Variants in ACOXL observed in about 807,000 individuals in gnomAD.
ACOXL encodes the protein acyl-CoA oxidase like, also known as acyl-coenzyme A oxidase-like protein.
A neutral mutation model predicts 71.9 loss-of-function variants in ACOXL; 70 were observed. That is an observed-to-expected ratio of 0.97 (90% CI 0.80 to 1.19). ACOXL has a LOEUF of 1.19. ACOXL is among the 50% of genes most tolerant of loss of function. The pLI is 0.00. For synonymous variants in ACOXL, 253 were observed against 281.6 expected (o/e 0.90, Z 1.02); for missense variants, 703 against 736.3 (o/e 0.95, Z 0.52).
At chr2:110,767,433 C>T (rs759028322) in intron 1 of ACOXL, among the ~76,000 whole-genome samples, 12 of 152,290 alleles carry the variant, frequency 7.9e-5, no homozygotes, top group Middle Eastern at 3.4e-3. Flanking sequence ...GGGAAAGCCT[C>T]AGACACAGTA....
At chr2:110,750,016 A>G (rs1678717009) in intron 1 of ACOXL, among the ~76,000 whole-genome samples, 1 of 152,216 alleles carries the variant, frequency 6.6e-6, no homozygotes, top group Admixed American at 6.5e-5. Context: ...TGGGAAGAAT[A>G]TCCTGAGCAT....
chr2:110,822,420 A>G (rs1324051147), intron 9 of ACOXL, among the ~76,000 whole-genome samples: 1 of 151,898 alleles, frequency 6.6e-6, no homozygotes, highest in Non-Finnish European at 1.5e-5. Flanking sequence ...TCCAGCCTTC[A>G]CGTATGCCGG....
chr2:110,826,233 T>A (rs1211551038), intron 9 of ACOXL, among the ~76,000 whole-genome samples: 1 of 152,236 alleles, frequency 6.6e-6, no homozygotes, highest in Non-Finnish European at 1.5e-5. Context: ...TGAGCGCCCC[T>A]TGTTCACACA....
chr2:111,035,774 G>T (rs949479772), intron 15 of ACOXL, among the ~76,000 whole-genome samples: 1 of 152,174 alleles, frequency 6.6e-6, no homozygotes, highest in African/African-American at 2.4e-5. Flanking sequence ...AAACATGATC[G>T]CATGCATTAT....
At chr2:111,042,444 C>A (rs572496824) in intron 15 of ACOXL, among the ~76,000 whole-genome samples, 1 of 152,316 alleles carries the variant, frequency 6.6e-6, no homozygotes, top group African/African-American at 2.4e-5. Flanking sequence ...CACAGAAGAC[C>A]CATTGGTGCT....
chr2:111,053,811 C>T (rs2066409099), intron 16 of ACOXL, among the ~76,000 whole-genome samples: 1 of 152,258 alleles, frequency 6.6e-6, no homozygotes, highest in Admixed American at 6.5e-5. Flanking sequence ...GGGACTAAAA[C>T]TTCCTGAAGC....
chr2:111,089,961 C>T (rs1274748043), intron 16 of ACOXL, among the ~76,000 whole-genome samples: 1 of 152,120 alleles, frequency 6.6e-6, no homozygotes, highest in Non-Finnish European at 1.5e-5. Flanking sequence ...AGAGTTGAAA[C>T]CAAGTGTTAA....
At chr2:110,752,890 A>ATAAGGTTGCATTT (rs1425845076) in intron 1 of ACOXL, among the ~76,000 whole-genome samples, 1 of 152,110 alleles carries the variant, frequency 6.6e-6, no homozygotes, top group East Asian at 1.9e-4. Context: ...AGGCTCTCCC[A>ATAAGGTTGCATTT]TAAGGTTGCA....
At position 111,092,937 on chromosome 2, in the gene ACOXL, C is replaced by T. The variant is rs889385046; in HGVS notation, c.1513C>T (p.Pro505Ser). ...AWYLEHKYLTPMASTRIRNQL... is the reference protein window; with the variant it reads ...AWYLEHKYLTSMASTRIRNQL... ...GTATTTAGAACATAAATACTTGACT[C>T]CCATGGCCAGCACGAGGATCAGGAA... is the stretch of plus-strand genomic sequence containing the variant. Residue 505 changes from proline (P) to serine (S), a missense_variant, in exon 17 of 18, where the codon CCC becomes TCC. By Grantham distance (74) the Pro-to-Ser change is moderately conservative (BLOSUM62 -1). Coordinates refer to ENST00000439055, the MANE Select transcript of ACOXL (RefSeq NM_001142807.4). 1.1e-5 allele frequency: 18 copies of T among 1,613,824 alleles called. No homozygotes were observed. In the Admixed American group the frequency reaches 1.7e-4, roughly 15 times the overall value.
At chr2:111,031,272 AGATTC>A (rs3838225) in intron 14 of ACOXL, among the ~76,000 whole-genome samples, 10,144 of 152,266 alleles carry the variant, frequency 0.067, 418 homozygotes, top group East Asian at 0.21. Context: ...GTTGAGGATT[AGATTC>A]AAGTAGTTTG....
chr2:110,817,920 C>T (rs564556086), intron 9 of ACOXL, among the ~76,000 whole-genome samples: 5 of 147,190 alleles, frequency 3.4e-5, no homozygotes, highest in South Asian at 2.2e-4. Context: ...TTTGCCGTCT[C>T]GTCCAAGTTT....
intron 12 of ACOXL, among the ~76,000 whole-genome samples, chr2:110,956,418 C>A (rs1027519731): frequency 6.6e-6 from 1 of 152,098 alleles, no homozygotes; most frequent in Non-Finnish European, 1.5e-5. Context: ...AGGGCAGCAG[C>A]GATAGGGTCC....
rs111553344 is a variant in ACOXL, at chr2:110,923,586, A to G, written c.906-9903A>G. 4.0e-3 allele frequency among the ~76,000 whole-genome samples: 616 copies of G among 152,318 alleles called. 1 individual carries two copies. Among genetic ancestry groups the G allele is most frequent in the African/African-American group, 0.013 (549 of 41,574 alleles). On this transcript the variant is annotated intron_variant, in intron 11 of 17. Transcript: ENST00000439055. ...AGTTCAAATCCCAGTCTCTCCACTT[A>G]CCATCCTAATGAGCAATTACTTAAA...
At chr2:110,994,447 G>GTT (rs11385924) in intron 13 of ACOXL, among the ~76,000 whole-genome samples, 2,922 of 150,132 alleles carry the variant, frequency 0.019, 88 homozygotes, top group African/African-American at 0.067. Flanking sequence ...AGCCACTTGG[G>GTT]TTTTTTTTTA....
At chr2:110,799,328 T>C (rs1244519864) in intron 7 of ACOXL, among the ~76,000 whole-genome samples, 1 of 152,244 alleles carries the variant, frequency 6.6e-6, no homozygotes, top group African/African-American at 2.4e-5. Context: ...TTCTTCCAGC[T>C]TCTCAAATTT....
chr2:111,022,942 G>T (rs912920749), intron 14 of ACOXL, among the ~76,000 whole-genome samples: 1 of 152,230 alleles, frequency 6.6e-6, no homozygotes, highest in African/African-American at 2.4e-5. Context: ...GTGGTTACTG[G>T]CTAGGCAGTT....
intron 10 of ACOXL, among the ~76,000 whole-genome samples, chr2:110,846,636 T>TACGCAC (rs1553562177): frequency 4.5e-5 from 2 of 44,834 alleles, no homozygotes; most frequent in African/African-American, 1.4e-4. Context: ...CAAGTATGCA[T>TACGCAC]ACACGCACAC....
intron 11 of ACOXL, among the ~76,000 whole-genome samples, chr2:110,923,923 C>T (rs551347308): frequency 7.4e-5 from 11 of 148,122 alleles, no homozygotes; most frequent in Non-Finnish European, 1.2e-4. Flanking sequence ...GTGATAAGAG[C>T]GAGACTCCAT....
intron 17 of ACOXL, among the ~76,000 whole-genome samples, chr2:111,107,217 G>A (rs1034968111): frequency 6.6e-6 from 1 of 152,156 alleles, no homozygotes; most frequent in Non-Finnish European, 1.5e-5. Flanking sequence ...GTGGTTCCAG[G>A]TTGCCAGCTT....
Sources: gnomAD v4.1 joint callset for allele counts (sites outside exome capture counted in the v4.1 genomes callset) on GRCh38, gnomAD v4.1.1 for gene constraint, MANE v1.5 for transcripts, NCBI Gene and HGNC (gene_info 2026-07-23, HGNC 2026-07-21) for gene names.